The following SHROOM4 variants were observed in gnomAD, a reference collection of about 807,000 sequenced individuals.
The protein encoded by SHROOM4 is shroom family member 4, also known as protein Shroom4.
SHROOM4 carries 17 observed loss-of-function variants against 80.3 expected under a neutral mutation model. The observed-to-expected ratio is 0.21, with a 90% CI of 0.14 to 0.32. The LOEUF (loss-of-function observed/expected upper bound fraction) is 0.32. Among genes scored for constraint, SHROOM4 ranks in the 10% least tolerant of loss-of-function variants. The probability of loss-of-function intolerance (pLI) is 1.00; values close to 1 mark genes in which losing one functional copy is unlikely to be tolerated. For synonymous variants in SHROOM4, 400 were observed against 437.5 expected (o/e 0.91, Z 1.07); for missense variants, 993 against 1,140.3 (o/e 0.87, Z 1.86).
At chrX:50,734,849 T>C (rs1934448155) in intron 1 of SHROOM4, among the ~76,000 whole-genome samples, 1 of 111,101 alleles carries the variant, frequency 9.0e-6, no homozygotes, top group Non-Finnish European at 1.9e-5. Flanking sequence ...TGAAATCTAA[T>C]GGTTTTATAG....
intron 2 of SHROOM4, among the ~76,000 whole-genome samples, chrX:50,689,655 C>T (rs181979585): frequency 4.5e-5 from 5 of 111,761 alleles, no homozygotes; most frequent in African/African-American, 9.7e-5. Flanking sequence ...TCTATTGTTA[C>T]CTTTAAATTT....
intron 5 of SHROOM4, among the ~76,000 whole-genome samples, chrX:50,608,856 C>G (rs193161673): frequency 3.2e-4 from 36 of 112,130 alleles, no homozygotes; most frequent in African/African-American, 1.1e-3. Context: ...CCTATTGCCT[C>G]TCTAGATGCA....
intron 1 of SHROOM4, among the ~76,000 whole-genome samples, chrX:50,751,636 C>G (rs1557268057): frequency 8.9e-6 from 1 of 111,971 alleles, no homozygotes; most frequent in African/African-American, 3.2e-5. Context: ...CAGGGAAATA[C>G]AAGATCTGCT....
intron 2 of SHROOM4, among the ~76,000 whole-genome samples, chrX:50,661,588 T>C (rs1932514888): frequency 8.9e-6 from 1 of 112,573 alleles, no homozygotes; most frequent in Non-Finnish European, 1.9e-5. Flanking sequence ...CAATTGTCTT[T>C]GAATCATGGT....
chrX:50,691,582 T>C (rs886679345), intron 2 of SHROOM4, among the ~76,000 whole-genome samples: 6 of 111,361 alleles, frequency 5.4e-5, no homozygotes, highest in Non-Finnish European at 1.1e-4. Context: ...ATTTCTGATT[T>C]AGCTGACCAT....
chrX:50,622,521 A>C (rs1029304310), intron 5 of SHROOM4, among the ~76,000 whole-genome samples: 3 of 112,623 alleles, frequency 2.7e-5, no homozygotes, highest in African/African-American at 9.7e-5. Context: ...CGGAAAACCA[A>C]ATAACAGTGG....
At position 50,607,909 on chromosome X, in the gene SHROOM4, C is replaced by T; in HGVS notation, c.3233G>A (p.Arg1078Lys). 8.3e-7 allele frequency: 1 copy of T among 1,211,697 alleles called. No individual in the cohort carries two copies. Among genetic ancestry groups the T allele is most frequent in the Non-Finnish European group, 1.1e-6 (1 of 895,427 alleles). ...QSTRAWGQHRRELFSKGDETQ... is the reference protein window; with the variant it reads ...QSTRAWGQHRKELFSKGDETQ... ...CTCATCACCTTTGCTAAAGAGCTCC[C>T]TCCTATGCTGCCCCCAGGCCCGGGT... is the stretch of plus-strand genomic sequence containing the variant. The change falls in exon 6 of 9, where the codon AGG (arginine) becomes AAG (lysine). Residue 1078 changes from arginine (R) to lysine (K), a missense_variant. By Grantham distance (26) the Arg-to-Lys change is conservative (BLOSUM62 2). Transcript: ENST00000376020.
At chrX:50,610,350 T>TCACACACACA (rs1182083540) in intron 5 of SHROOM4, among the ~76,000 whole-genome samples, 2 of 64,472 alleles carry the variant, frequency 3.1e-5, no homozygotes, top group East Asian at 3.9e-4. Flanking sequence ...TCTCTCTCTC[T>TCACACACACA]CTCACACACA....
intron 5 of SHROOM4, among the ~76,000 whole-genome samples, chrX:50,611,509 C>A (rs1557249889): frequency 9.0e-6 from 1 of 111,534 alleles, no homozygotes. Context: ...GAAAAAAATT[C>A]TTCCACTTTA....
At chrX:50,805,302 C>T (rs188742043) in intron 1 of SHROOM4, among the ~76,000 whole-genome samples, 9 of 111,077 alleles carry the variant, frequency 8.1e-5, no homozygotes, top group Admixed American at 6.7e-4. Context: ...TCTTATGGAC[C>T]GTGAAAGGCA....
At chrX:50,602,367 C>T (rs1407554238) in intron 7 of SHROOM4, among the ~76,000 whole-genome samples, 4 of 111,696 alleles carry the variant, frequency 3.6e-5, no homozygotes, top group Non-Finnish European at 7.5e-5. Context: ...GCTGGGATTA[C>T]AGGCGGGAGC....
At chrX:50,644,610 T>C (rs1279721068) in intron 2 of SHROOM4, among the ~76,000 whole-genome samples, 3 of 112,685 alleles carry the variant, frequency 2.7e-5, no homozygotes, top group Non-Finnish European at 5.6e-5. Context: ...CCTTGGCCTC[T>C]GGCCTCAATT....
intron 2 of SHROOM4, among the ~76,000 whole-genome samples, chrX:50,645,475 G>A (rs782819130): frequency 2.7e-5 from 3 of 112,039 alleles, no homozygotes; most frequent in Admixed American, 9.5e-5. Flanking sequence ...GTGGCCAGGT[G>A]AGGCTGAAGA....
intron 1 of SHROOM4, among the ~76,000 whole-genome samples, chrX:50,801,047 T>G (rs924551893): frequency 1.8e-5 from 2 of 110,039 alleles, no homozygotes; most frequent in East Asian, 5.7e-4. Flanking sequence ...AATGTTGTAC[T>G]GAAGTTGGGT....
At chrX:50,673,436 T>A (rs1239856737) in intron 2 of SHROOM4, among the ~76,000 whole-genome samples, 1 of 110,513 alleles carries the variant, frequency 9.0e-6, no homozygotes, top group African/African-American at 3.3e-5. Flanking sequence ...TAAATCAAAA[T>A]GGGATTCTAA....
At chrX:50,654,878 C>G (rs1932244915) in intron 2 of SHROOM4, among the ~76,000 whole-genome samples, 1 of 106,584 alleles carries the variant, frequency 9.4e-6, no homozygotes, top group Admixed American at 1.1e-4. Flanking sequence ...TATGAATGAT[C>G]CCAACACCTG....
chrX:50,629,029 T>A (rs1930935023), intron 4 of SHROOM4, among the ~76,000 whole-genome samples: 1 of 111,847 alleles, frequency 8.9e-6, no homozygotes, highest in Admixed American at 9.5e-5. Context: ...GGGCCAGGAT[T>A]TCCTGTCCAT....
chrX:50,746,043 G>T (rs1321714469), intron 1 of SHROOM4, among the ~76,000 whole-genome samples: 5 of 111,589 alleles, frequency 4.5e-5, no homozygotes, highest in African/African-American at 1.3e-4. Flanking sequence ...CACCTACTAT[G>T]TACTAGGTGT....
chrX:50,715,636 C>T (rs1282350870), intron 1 of SHROOM4, among the ~76,000 whole-genome samples: 2 of 110,788 alleles, frequency 1.8e-5, no homozygotes, highest in Admixed American at 9.6e-5. Flanking sequence ...AAAATCACAA[C>T]GAGATATCAC....
Sources: allele counts gnomAD v4.1 joint callset (sites outside exome capture counted in the v4.1 genomes callset), GRCh38; gene constraint gnomAD v4.1.1; transcripts MANE v1.5; gene names NCBI Gene and HGNC (gene_info 2026-07-23, HGNC 2026-07-21).